The following APPBP2 variants were observed in gnomAD, a reference collection of about 807,000 sequenced individuals.
APPBP2 encodes the protein amyloid protein-binding protein 2.
Under a neutral mutation model 76.0 loss-of-function variants are expected in APPBP2, and 15 were observed. The observed-to-expected ratio is 0.20, with a 90% confidence interval of 0.13 to 0.30. APPBP2 has a LOEUF of 0.30. APPBP2 is among the 10% of genes least tolerant of loss of function. The pLI is 1.00. For missense variants in APPBP2, 401 were observed against 687.2 expected, an observed-to-expected ratio of 0.58 and a Z score of 4.66; for synonymous variants, 222 against 242.2, an observed-to-expected ratio of 0.92 and a Z score of 0.77.
At chr17:60,458,428 T>A (rs947683900) in intron 9 of APPBP2, among the ~76,000 whole-genome samples, 3 of 148,300 alleles carry the variant, frequency 2.0e-5, no homozygotes, top group African/African-American at 7.9e-5. Flanking sequence ...AGTGACAGAC[T>A]CTGTCTCAAA....
At chr17:60,500,323 T>C in intron 2 of APPBP2, 76 bp downstream of exon 2, 1 of 1,047,512 alleles carries the variant, frequency 9.5e-7, no homozygotes, top group Non-Finnish European at 1.4e-6. Flanking sequence ...GTGAATATAC[T>C]TAATGCCACT....
intron 3 of APPBP2, among the ~76,000 whole-genome samples, chr17:60,489,116 G>A (rs1227799609): frequency 1.3e-5 from 2 of 152,000 alleles, no homozygotes; most frequent in African/African-American, 4.8e-5. Context: ...CAGCTACTCG[G>A]GAGGCTGAGG....
chr17:60,486,115 T>G (rs2090675426), intron 3 of APPBP2, among the ~76,000 whole-genome samples: 1 of 152,162 alleles, frequency 6.6e-6, no homozygotes, highest in African/African-American at 2.4e-5. Context: ...TGCTTTACTT[T>G]CAACTATGTG....
At chr17:60,456,212 CCT>C in intron 10 of APPBP2, 82 bp downstream of exon 10, 2 of 969,114 alleles carry the variant, frequency 2.1e-6, no homozygotes, top group Admixed American at 3.9e-5. Context: ...ATCCTCCAAT[CCT>C]CTGAGAAAAT....
chr17:60,520,389 A>G (rs566354184), intron 1 of APPBP2, among the ~76,000 whole-genome samples: 1 of 152,246 alleles, frequency 6.6e-6, no homozygotes, highest in African/African-American at 2.4e-5. Context: ...CCTGGCCAAC[A>G]TGGTAAAACC....
intron 1 of APPBP2, among the ~76,000 whole-genome samples, chr17:60,511,325 G>A (rs565883388): frequency 1.3e-4 from 20 of 152,150 alleles, no homozygotes; most frequent in African/African-American, 4.1e-4. Context: ...GGTGGCTCAC[G>A]CCTGTAATCC....
At chr17:60,493,770 G>T (rs1297690598) in intron 3 of APPBP2, among the ~76,000 whole-genome samples, 1 of 151,240 alleles carries the variant, frequency 6.6e-6, no homozygotes, top group Non-Finnish European at 1.5e-5. Context: ...CTCCCAAGTA[G>T]CTGGGATTAC....
At chr17:60,457,437 G>A (rs938282158) in intron 9 of APPBP2, among the ~76,000 whole-genome samples, 1 of 146,404 alleles carries the variant, frequency 6.8e-6, no homozygotes. Flanking sequence ...TTGTTTGTTT[G>A]TTTTTTTTAC....
At position 60,446,234 on chromosome 17, in the gene APPBP2, A is replaced by G. The variant is rs1036184467; in HGVS notation, c.*1347T>C. ...CTACTACAGTAAGAATTGAGGTAAC[A>G]GCAAAATACCTTTTTGTTTCTTGAA... On this transcript the variant is annotated 3_prime_UTR_variant, in exon 13 of 13. Transcript: ENST00000083182. 1.8e-4 allele frequency: 27 copies of G among 152,654 alleles called. No individual in the cohort carries two copies. Among genetic ancestry groups the G allele is most frequent in the Admixed American group, 1.8e-3 (27 of 15,284 alleles). 9.5% of individuals were successfully genotyped at this position (152,654 alleles called of 1,614,324 possible). A position where few individuals can be genotyped will look rare whatever the true frequency, so the allele number is the denominator to read the frequency against.
intron 2 of APPBP2, among the ~76,000 whole-genome samples, chr17:60,498,801 A>G (rs934808470): frequency 6.6e-6 from 1 of 152,178 alleles, no homozygotes; most frequent in Non-Finnish European, 1.5e-5. Flanking sequence ...TTCTGGTAAC[A>G]ACTGCAAATA....
intron 1 of APPBP2, among the ~76,000 whole-genome samples, chr17:60,524,610 G>GAAA (rs35185909): frequency 1.4e-3 from 68 of 49,938 alleles, no homozygotes; most frequent in African/African-American, 2.0e-3. Flanking sequence ...TGCTAATTCT[G>GAAA]AAAAAAAAAA....
At chr17:60,502,479 A>C (rs1053180586) in intron 1 of APPBP2, among the ~76,000 whole-genome samples, 1 of 148,576 alleles carries the variant, frequency 6.7e-6, no homozygotes, top group Non-Finnish European at 1.5e-5. Flanking sequence ...CTCCAAAAAC[A>C]CTAAGACAAC....
In APPBP2 at chr17:60,445,102, T is replaced by C. The variant is rs1325964001; in HGVS notation, c.*2479A>G. 1 of 152,196 alleles carries C rather than the reference T, an allele frequency of 6.6e-6. No homozygotes were observed. The highest frequency in any genetic ancestry group is 1.5e-5 in the Non-Finnish European group (1 of 68,032). 9.4% of individuals were successfully genotyped at this position (152,196 alleles called of 1,614,324 possible). ...AAAGTCATAGGGTATTATTCTTCAT[T>C]AGAACCAGAAATAATAGCACATTAA... is the stretch of plus-strand genomic sequence containing the variant. On this transcript the variant is annotated 3_prime_UTR_variant, in exon 13 of 13. Transcript: ENST00000083182.
chr17:60,494,344 C>CA, intron 3 of APPBP2, 122 bp downstream of exon 3: 2 of 1,010,832 alleles, frequency 2.0e-6, no homozygotes, highest in Non-Finnish European at 2.9e-6. Flanking sequence ...TTAAGTGGTT[C>CA]TGATGTTCTT....
At chr17:60,467,980 G>A (rs2090524425) in intron 4 of APPBP2, among the ~76,000 whole-genome samples, 1 of 152,162 alleles carries the variant, frequency 6.6e-6, no homozygotes. Flanking sequence ...CTTGCGGGCC[G>A]TGGAAAGGAG....
At chr17:60,519,251 C>G (rs2090988926) in intron 1 of APPBP2, among the ~76,000 whole-genome samples, 1 of 149,000 alleles carries the variant, frequency 6.7e-6, no homozygotes, top group South Asian at 2.1e-4. Context: ...GCATGAGCCA[C>G]TGCTCCTGGC....
intron 1 of APPBP2, among the ~76,000 whole-genome samples, chr17:60,516,882 T>C (rs774014209): frequency 3.1e-4 from 47 of 152,226 alleles, no homozygotes; most frequent in Non-Finnish European, 5.6e-4. Flanking sequence ...AAAACAGTAC[T>C]TCTCTGAAGA....
chr17:60,466,341 G>C lies in APPBP2; in HGVS notation c.622C>G (p.Leu208Val). Residue 208 changes from leucine (L) to valine (V), a missense_variant, in exon 5 of 13, where the codon CTC becomes GTC. Physicochemically the swap from Leu to Val is conservative, Grantham distance 32. Coordinates refer to ENST00000083182, the MANE Select transcript of APPBP2 (RefSeq NM_006380.5). ...AGGAGTGCACACAGTTCTCCATAGA[G>C]TGCAGCTTTATTTGCTTGCTGGCCA... ...KHGQQANKAALYGELCALLFA... is the reference protein window; with the variant it reads ...KHGQQANKAAVYGELCALLFA... 1.2e-6 allele frequency: 2 copies of C among 1,613,970 alleles called. No homozygotes were observed. Among genetic ancestry groups the C allele is most frequent in the Non-Finnish European group, 1.7e-6 (2 of 1,179,992 alleles).
chr17:60,515,557 C>G (rs1442039333), intron 1 of APPBP2, among the ~76,000 whole-genome samples: 1 of 152,200 alleles, frequency 6.6e-6, no homozygotes, highest in Non-Finnish European at 1.5e-5. Context: ...TCAGAAGGCT[C>G]CCCTCATATC....
Sources: gnomAD v4.1 joint callset for allele counts (sites outside exome capture counted in the v4.1 genomes callset) on GRCh38, gnomAD v4.1.1 for gene constraint, MANE v1.5 for transcripts, NCBI Gene and HGNC (gene_info 2026-07-23, HGNC 2026-07-21) for gene names.